The following LUC7L variants were observed in gnomAD, a reference collection of about 807,000 sequenced individuals.
The protein encoded by LUC7L is LUC7 like, also known as putative RNA-binding protein Luc7-like 1.
A neutral mutation model predicts 51.1 loss-of-function variants in LUC7L; 29 were observed. The observed-to-expected ratio is 0.57, with a 90% confidence interval of 0.42 to 0.77. LUC7L has a LOEUF of 0.77. LUC7L is among the 30% of genes least tolerant of loss of function. The pLI, the probability that LUC7L is intolerant of heterozygous loss-of-function variation, is 0.00. For synonymous variants in LUC7L, 181 were observed against 180.7 expected (o/e 1.00, Z -0.01); for missense variants, 403 against 511.9 (o/e 0.79, Z 2.05).
At chr16:223,468 T>C (rs1194421854) in intron 2 of LUC7L, among the ~76,000 whole-genome samples, 1 of 152,122 alleles carries the variant, frequency 6.6e-6, no homozygotes, top group Non-Finnish European at 1.5e-5. Flanking sequence ...AGACAACGGG[T>C]CTGCCTTGTA....
chr16:226,571 A>C (rs975917998), intron 2 of LUC7L, among the ~76,000 whole-genome samples: 1 of 152,236 alleles, frequency 6.6e-6, no homozygotes, highest in Non-Finnish European at 1.5e-5. Context: ...CAAAACTACA[A>C]AATCAATGTA....
intron 3 of LUC7L, among the ~76,000 whole-genome samples, chr16:216,380 GTTTT>G (rs34292372): frequency 9.3e-6 from 1 of 107,298 alleles, no homozygotes. Context: ...TCAAATAGTT[GTTTT>G]TTTTTTTTTT....
chr16:217,399 T>G (rs919874283), intron 3 of LUC7L, among the ~76,000 whole-genome samples: 1 of 152,150 alleles, frequency 6.6e-6, no homozygotes, highest in Non-Finnish European at 1.5e-5. Flanking sequence ...ACACCTATTA[T>G]GTAGCCACAA....
intron 2 of LUC7L, among the ~76,000 whole-genome samples, chr16:224,694 G>C (rs888269187): frequency 6.6e-6 from 1 of 151,756 alleles, no homozygotes; most frequent in East Asian, 1.9e-4. Flanking sequence ...TTAGCCAGGT[G>C]TGGTGGCGGG....
chr16:212,425 C>G (rs1018455849), intron 3 of LUC7L, among the ~76,000 whole-genome samples: 1 of 152,150 alleles, frequency 6.6e-6, no homozygotes, highest in African/African-American at 2.4e-5. Flanking sequence ...CTCCAAAGAC[C>G]TGCACTTCAT....
intron 2 of LUC7L, among the ~76,000 whole-genome samples, chr16:224,905 C>T (rs1018388746): frequency 1.3e-5 from 2 of 152,024 alleles, no homozygotes; most frequent in African/African-American, 2.4e-5. Flanking sequence ...AGAGTCCCTG[C>T]TTAAGCACAC....
At chr16:205,969 G>A in intron 5 of LUC7L, 35 bp downstream of exon 5, 2 of 1,582,970 alleles carry the variant, frequency 1.3e-6, no homozygotes, top group Non-Finnish European at 1.7e-6. Flanking sequence ...AAATTACTAA[G>A]ATTTCTCTTG....
chr16:228,653 G>A, intron 1 of LUC7L: 1 of 1,182,654 alleles, frequency 8.5e-7, no homozygotes, highest in South Asian at 1.6e-5. Flanking sequence ...GCTTTCTCCT[G>A]TGACAACCAT....
chr16:189,481 A>G lies in LUC7L; in HGVS notation c.975-142T>C, dbSNP rs1047991153. 5.6e-6 allele frequency: 8 copies of G among 1,426,220 alleles called. No individual in the cohort carries two copies. In the Admixed American group the frequency reaches 8.6e-5, roughly 15 times the overall value. 88.3% of individuals were successfully genotyped at this position (1,426,220 alleles called of 1,614,324 possible). A position where few individuals can be genotyped will look rare whatever the true frequency, so the allele number is the denominator to read the frequency against. On this transcript the variant is annotated intron_variant, in intron 9 of 9. Coordinates refer to ENST00000293872, the MANE Select transcript of LUC7L (RefSeq NM_201412.3). ...TGGAAACCCCCCGGAGGCCAACCAG[A>G]CTTGCCCACCACATATGGAGTGTTA...
At chr16:228,825 G>A (rs2050191952) in intron 1 of LUC7L, 19 of 1,293,188 alleles carry the variant, frequency 1.5e-5, no homozygotes, top group Non-Finnish European at 1.8e-5. Flanking sequence ...CCCTTGCAAT[G>A]GTACAGAACC....
intron 6 of LUC7L, among the ~76,000 whole-genome samples, chr16:198,675 T>C (rs186118672): frequency 5.0e-4 from 76 of 152,216 alleles, no homozygotes; most frequent in African/African-American, 1.8e-3. Context: ...TTCTTAGAGA[T>C]CAGAACATAA....
chr16:215,078 T>A (rs1267410925), intron 3 of LUC7L, among the ~76,000 whole-genome samples: 5 of 152,092 alleles, frequency 3.3e-5, no homozygotes, highest in African/African-American at 4.8e-5. Context: ...ATAGTTGTAT[T>A]ACATCTTTTT....
intron 1 of LUC7L, chr16:227,860 C>T (rs1483571601): frequency 1.0e-6 from 1 of 1,001,150 alleles, no homozygotes; most frequent in Non-Finnish European, 1.2e-6. Context: ...TCCTACGTCC[C>T]TTTCGTTCCC....
chr16:222,981 C>T (rs1399588230), intron 2 of LUC7L, among the ~76,000 whole-genome samples: 1 of 149,040 alleles, frequency 6.7e-6, no homozygotes, highest in Non-Finnish European at 1.5e-5. Context: ...GAAAGGAAGG[C>T]TTTAAACCTT....
At chr16:223,443 T>A (rs2050033400) in intron 2 of LUC7L, among the ~76,000 whole-genome samples, 1 of 152,164 alleles carries the variant, frequency 6.6e-6, no homozygotes, top group Non-Finnish European at 1.5e-5. Context: ...ATAATAAAGC[T>A]AACATGGAGG....
At chr16:209,970 T>C (rs2049593571) in intron 3 of LUC7L, among the ~76,000 whole-genome samples, 1 of 152,172 alleles carries the variant, frequency 6.6e-6, no homozygotes, top group African/African-American at 2.4e-5. Flanking sequence ...CTCCCAGATA[T>C]CACTCCATAA....
intron 5 of LUC7L, among the ~76,000 whole-genome samples, chr16:200,939 C>T (rs2049305944): frequency 6.6e-6 from 1 of 151,802 alleles, no homozygotes; most frequent in African/African-American, 2.4e-5. Flanking sequence ...AATCCCAGCA[C>T]TTTGGGAGGC....
chr16:221,840 C>T (rs1423761516), intron 2 of LUC7L, among the ~76,000 whole-genome samples: 1 of 152,168 alleles, frequency 6.6e-6, no homozygotes, highest in Non-Finnish European at 1.5e-5. Context: ...AAAGAGCGGA[C>T]AGAAGTTAGA....
At chr16:227,700 T>C (rs931250677) in intron 1 of LUC7L, 30 of 1,036,030 alleles carry the variant, frequency 2.9e-5, no homozygotes, top group Middle Eastern at 4.7e-4. Context: ...GGGTGACTTA[T>C]AGAGCTGGTA....
Sources: gnomAD v4.1 joint callset for allele counts (sites outside exome capture counted in the v4.1 genomes callset) on GRCh38, gnomAD v4.1.1 for gene constraint, MANE v1.5 for transcripts, NCBI Gene and HGNC (gene_info 2026-07-23, HGNC 2026-07-21) for gene names.